Variants in NSD3 observed in about 807,000 individuals in gnomAD.
NSD3 encodes nuclear receptor binding SET domain protein 3.
In NSD3, 24 loss-of-function variants were observed where a neutral mutation model predicts 160.8. That is an observed-to-expected ratio of 0.15 (90% confidence interval 0.11 to 0.21). NSD3 has a LOEUF of 0.21. NSD3 is among the 10% of genes least tolerant of loss of function. The probability of loss-of-function intolerance (pLI) is 1.00; values close to 1 mark genes in which losing one functional copy is unlikely to be tolerated. For synonymous variants in NSD3, 520 were observed against 600.0 expected, an observed-to-expected ratio of 0.87 and a Z score of 1.95; for missense variants, 1,157 against 1,735.9, an observed-to-expected ratio of 0.67 and a Z score of 5.93.
chr8:38,338,643 G>T (rs1342762256), intron 2 of NSD3, 36 bp from the exon 3 acceptor site: 1 of 1,516,386 alleles, frequency 6.6e-7, no homozygotes, highest in Admixed American at 1.7e-5. Flanking sequence ...GAATAAAATG[G>T]CATTAAATAA....
At chr8:38,278,218 A>T (rs181354352) in intron 22 of NSD3, 88 bp downstream of exon 22, 36 of 1,182,352 alleles carry the variant, frequency 3.0e-5, no homozygotes, top group Non-Finnish European at 4.2e-5. Context: ...GATTACAGGC[A>T]TGAGCCACCG....
At chr8:38,325,967 G>T (rs1300201908) in intron 7 of NSD3, among the ~76,000 whole-genome samples, 1 of 151,944 alleles carries the variant, frequency 6.6e-6, no homozygotes, top group Non-Finnish European at 1.5e-5. Flanking sequence ...GGCCAACATG[G>T]TGAAACTTTG....
intron 14 of NSD3, among the ~76,000 whole-genome samples, chr8:38,303,884 T>C (rs1407091769): frequency 6.6e-6 from 1 of 152,240 alleles, no homozygotes; most frequent in Admixed American, 6.5e-5. Flanking sequence ...TATTATAATA[T>C]GGCTTGAGAT....
intron 1 of NSD3, among the ~76,000 whole-genome samples, chr8:38,373,542 A>G (rs970836890): frequency 5.3e-5 from 8 of 152,174 alleles, no homozygotes; most frequent in Non-Finnish European, 1.2e-4. Context: ...TTAAGCCTCC[A>G]CAGCTAAGAG....
intron 1 of NSD3, among the ~76,000 whole-genome samples, chr8:38,369,185 T>C (rs1426381417): frequency 6.6e-6 from 1 of 152,186 alleles, no homozygotes; most frequent in African/African-American, 2.4e-5. Context: ...CAACATGTAG[T>C]ATTTTAGTAT....
rs2130979603 is a variant in NSD3 at position 38,276,432 on chromosome 8, G to C, written c.3936C>G (p.Ile1312Met). ...NAKLKQKRRKIKTEPKQMHED... is the reference protein window; with the variant it reads ...NAKLKQKRRKMKTEPKQMHED... Reference sequence around the variant, plus strand: ...CATGCATCTGCTTTGGTTCTGTTTTGATCTTTCGTCTCTTCTGTTTTAACT... The same window carrying C: ...CATGCATCTGCTTTGGTTCTGTTTTCATCTTTCGTCTCTTCTGTTTTAACT... Residue 1312 changes from isoleucine (I) to methionine (M), a missense_variant, in exon 23 of 24, where the codon ATC becomes ATG. Coordinates refer to ENST00000317025, the MANE Select transcript of NSD3 (RefSeq NM_023034.2). 1 of 1,614,128 alleles carries C rather than the reference G, an allele frequency of 6.2e-7. No individual in the cohort carries two copies. Among genetic ancestry groups the C allele is most frequent in the Non-Finnish European group, 8.5e-7 (1 of 1,180,020 alleles).
chr8:38,283,295 A>G (rs979256805), intron 19 of NSD3, among the ~76,000 whole-genome samples: 1 of 152,152 alleles, frequency 6.6e-6, no homozygotes, highest in Non-Finnish European at 1.5e-5. Flanking sequence ...AATATTCTCT[A>G]TAAGGACTTA....
chr8:38,284,876 A>T (rs1808822404), intron 19 of NSD3, among the ~76,000 whole-genome samples: 1 of 152,252 alleles, frequency 6.6e-6, no homozygotes, highest in African/African-American at 2.4e-5. Flanking sequence ...GTAAATACAG[A>T]AAAATTAAGT....
Position 38,319,702 on chromosome 8 carries a change from G to A in NSD3, c.1810-762C>T, listed in dbSNP as rs936946165. On this transcript the variant is annotated intron_variant, in intron 8 of 23. Transcript: ENST00000317025. The surrounding 1 kb of genome is among the most constrained non-coding windows in gnomAD (Gnocchi z 4.1). ...ATTGAATTTCATGTTTCTTTAAGAT[G>A]TGGTGAAATATGAATGTTGAAACAC... The A allele has an allele frequency of 6.6e-6, 1 of 152,134 alleles. No individual in the cohort carries two copies. The highest frequency in any genetic ancestry group is 2.4e-5 in the African/African-American group (1 of 41,434). 9.4% of individuals were successfully genotyped at this position (152,134 alleles called of 1,614,324 possible).
intron 2 of NSD3, among the ~76,000 whole-genome samples, chr8:38,343,147 A>C (rs1563362070): frequency 1.3e-5 from 2 of 151,936 alleles, no homozygotes; most frequent in Admixed American, 6.6e-5. Flanking sequence ...CAGTGAGCCG[A>C]GATCGTGCCA....
At position 38,325,856 on chromosome 8, in the gene NSD3, C is replaced by CA. The variant is rs746619418; in HGVS notation, c.1708+873dup. Among the ~76,000 whole-genome samples the CA allele has an allele frequency of 3.4e-3, 403 of 119,540 alleles. 1 individual carries two copies. The highest frequency in any genetic ancestry group is 8.7e-3 in the South Asian group (33 of 3,788). 78.4% of individuals were successfully genotyped at this position (119,540 alleles called of 152,430 possible). ...TGCATGACAGAGTGAGACCCCGTCT[C>CA]AAAAAAAAAAAGGCCAGACGTGGTG... On this transcript the variant is annotated intron_variant, in intron 7 of 23. Coordinates refer to ENST00000317025, the MANE Select transcript of NSD3 (RefSeq NM_023034.2).
chr8:38,370,242 T>G (rs7835269), intron 1 of NSD3, among the ~76,000 whole-genome samples: 1 of 152,194 alleles, frequency 6.6e-6, no homozygotes, highest in South Asian at 2.1e-4. Flanking sequence ...TTTGCTACAG[T>G]TAACTGTATA....
At chr8:38,339,541 A>T (rs773508015) in intron 2 of NSD3, among the ~76,000 whole-genome samples, 2 of 152,162 alleles carry the variant, frequency 1.3e-5, no homozygotes, top group Non-Finnish European at 2.9e-5. Flanking sequence ...CCTGGCCAAC[A>T]TGGTGAAACC....
rs1359507024 is a variant in NSD3 at position 38,337,377 on chromosome 8, T to C, written c.838A>G (p.Thr280Ala). The stretch of plus-strand genomic sequence containing the variant: ...ACCATACAAGGCCACCAAGGATAGG[T>C]TCCCACCTTGGACCACACAAGATCG... Reference protein sequence around the residue: ...VGDLVWSKVGTYPWWPCMVSS... With the variant: ...VGDLVWSKVGAYPWWPCMVSS... Residue 280 changes from threonine to alanine, a missense_variant, in exon 4 of 24, where the codon ACC becomes GCC. By Grantham distance (58) the Thr-to-Ala change is moderately conservative (BLOSUM62 0). Transcript: ENST00000317025. 2 of 1,612,582 alleles carry C rather than the reference T, an allele frequency of 1.2e-6. No homozygotes were observed. Among genetic ancestry groups the C allele is most frequent in the Non-Finnish European group, 1.7e-6 (2 of 1,179,514 alleles).
intron 12 of NSD3, among the ~76,000 whole-genome samples, chr8:38,309,520 C>T (rs150105133): frequency 6.7e-4 from 102 of 151,992 alleles, no homozygotes; most frequent in African/African-American, 2.2e-3. Context: ...CATGGTGCTG[C>T]GTGCCTGTAG....
At chr8:38,299,674 G>A in intron 14 of NSD3, 84 bp from the exon 15 acceptor site, 1 of 1,343,234 alleles carries the variant, frequency 7.4e-7, no homozygotes, top group South Asian at 2.2e-5. Context: ...CACCTATTAT[G>A]TATGCTTCAA....
chr8:38,364,357 T>C (rs1187130799), intron 1 of NSD3, among the ~76,000 whole-genome samples: 2 of 152,178 alleles, frequency 1.3e-5, no homozygotes, highest in Admixed American at 6.5e-5. Context: ...TATCTATAGA[T>C]ACAGGCATGA....
At chr8:38,283,974 A>G (rs1270985182) in intron 19 of NSD3, among the ~76,000 whole-genome samples, 1 of 152,076 alleles carries the variant, frequency 6.6e-6, no homozygotes, top group Non-Finnish European at 1.5e-5. Flanking sequence ...GTGGTGGTGC[A>G]TGGCTGTGGT....
chr8:38,299,407 C>A, intron 15 of NSD3, 37 bp downstream of exon 15: 2 of 1,587,270 alleles, frequency 1.3e-6, no homozygotes, highest in East Asian at 4.5e-5. Context: ...ATAGGAAATG[C>A]AAAAATAAAA....
Sources: gnomAD v4.1 joint callset for allele counts (sites outside exome capture counted in the v4.1 genomes callset) on GRCh38, gnomAD v4.1.1 for gene constraint, Gnocchi (gnomAD v3.1) non-coding constraint, MANE v1.5 for transcripts, NCBI Gene and HGNC (gene_info 2026-07-23, HGNC 2026-07-21) for gene names.